Variants in CNTN3 observed in about 807,000 individuals in gnomAD.
The protein encoded by CNTN3 is contactin-3.
CNTN3 carries 60 observed loss-of-function variants against 119.1 expected under a neutral mutation model. The ratio of observed to expected loss-of-function variants is 0.50; its 90% CI spans 0.41 to 0.62. CNTN3 has a LOEUF of 0.62. CNTN3 is among the 20% of genes least tolerant of loss of function. CNTN3 has a pLI of 0.00. For synonymous variants in CNTN3, 450 were observed against 438.7 expected (o/e 1.03, Z -0.32); for missense variants, 1,101 against 1,242.4 (o/e 0.89, Z 1.71).
intron 8 of CNTN3, among the ~76,000 whole-genome samples, chr3:74,367,561 G>A (rs1704229772): frequency 6.6e-6 from 1 of 151,944 alleles, no homozygotes; most frequent in African/African-American, 2.4e-5. Flanking sequence ...AGATGTTTTG[G>A]AGAAAGGAAG....
intron 1 of CNTN3, among the ~76,000 whole-genome samples, chr3:74,580,051 G>C (rs746090255): frequency 6.6e-6 from 1 of 152,026 alleles, no homozygotes; most frequent in African/African-American, 2.4e-5. Flanking sequence ...GGATGAAAAG[G>C]GCAACATCAC....
At chr3:74,595,697 A>G (rs1021269137) in intron 1 of CNTN3, among the ~76,000 whole-genome samples, 5 of 152,130 alleles carry the variant, frequency 3.3e-5, no homozygotes, top group Non-Finnish European at 7.4e-5. Context: ...TCTCAAAATA[A>G]TAAGAGCTAT....
chr3:74,394,768 GA>G (rs1316961782), intron 5 of CNTN3, among the ~76,000 whole-genome samples: 1 of 151,950 alleles, frequency 6.6e-6, no homozygotes, highest in African/African-American at 2.4e-5. Flanking sequence ...TTACAAACAA[GA>G]AAACCACTGC....
At chr3:74,363,607 G>A (rs978857511) in intron 10 of CNTN3, among the ~76,000 whole-genome samples, 5 of 152,090 alleles carry the variant, frequency 3.3e-5, no homozygotes, top group African/African-American at 9.7e-5. Flanking sequence ...CAGGCTATAT[G>A]GGGCCAATGG....
rs144740060 is a variant in CNTN3, at chr3:74,449,868, T to C, written c.359-24928A>G. The stretch of plus-strand genomic sequence containing the variant: ...ATTCACAGGAATATTGTGGGAACCT[T>C]AGCATGAAGCAAAAGAAGTATTTTA... On this transcript the variant is annotated intron_variant, in intron 4 of 22. Transcript: ENST00000263665. Among the ~76,000 whole-genome samples the C allele has an allele frequency of 2.1e-3, 313 of 152,276 alleles. 1 individual carries two copies. The highest frequency in any genetic ancestry group is 7.1e-3 in the African/African-American group (297 of 41,572).
Position 74,587,162 on chromosome 3 carries a change from T to C in CNTN3, c.-81+27229A>G, listed in dbSNP as rs6809760. 3.2e-3 allele frequency among the ~76,000 whole-genome samples: 486 copies of C among 152,076 alleles called. 2 individuals carry two copies. The highest frequency in any genetic ancestry group is 0.011 in the African/African-American group (452 of 41,492). On this transcript the variant is annotated intron_variant, in intron 1 of 22. Transcript: ENST00000263665. ...CAATAAAAGCATAAGAGTAATGTAA[T>C]GTGGGTGGGAGGTGGGGGCAGAAGG... is the stretch of plus-strand genomic sequence containing the variant.
intron 4 of CNTN3, among the ~76,000 whole-genome samples, chr3:74,448,918 A>G (rs1175525242): frequency 2.0e-5 from 3 of 152,130 alleles, no homozygotes; most frequent in Admixed American, 6.6e-5. Context: ...ATAATTGTAT[A>G]TACTTTCTAT....
intron 4 of CNTN3, among the ~76,000 whole-genome samples, chr3:74,482,846 T>C (rs1394332086): frequency 6.6e-6 from 1 of 152,148 alleles, no homozygotes; most frequent in African/African-American, 2.4e-5. Flanking sequence ...ATCCCTTCTT[T>C]CAGTTAGCGT....
intron 2 of CNTN3, among the ~76,000 whole-genome samples, chr3:74,516,520 A>G (rs1015940133): frequency 1.3e-5 from 2 of 150,906 alleles, no homozygotes; most frequent in Admixed American, 6.6e-5. Flanking sequence ...TACACATAAC[A>G]TACCAAATAT....
chr3:74,601,054 T>C (rs1704901199), intron 1 of CNTN3, among the ~76,000 whole-genome samples: 2 of 149,526 alleles, frequency 1.3e-5, no homozygotes, highest in East Asian at 2.0e-4. Flanking sequence ...TATATTTACA[T>C]ATATAATATA....
chr3:74,365,718 A>T lies in CNTN3; in HGVS notation c.947-16T>A. ...TGGGGCTTTGCTTCAATGAAAGAAA[A>T]GGAAAAAGAAAAGAAATTTAAACCA... is the stretch of plus-strand genomic sequence containing the variant. On this transcript the variant is annotated splice_polypyrimidine_tract_variant and intron_variant, in intron 8 of 22. Transcript: ENST00000263665. 1 of 1,590,340 alleles carries T rather than the reference A, an allele frequency of 6.3e-7. No individual in the cohort carries two copies. The highest frequency in any genetic ancestry group is 8.6e-7 in the Non-Finnish European group (1 of 1,168,708).
rs959242056 is a variant in CNTN3 at position 74,277,984 on chromosome 3, G to A, written c.2704+7321C>T. On this transcript the variant is annotated intron_variant, in intron 20 of 22. Transcript: ENST00000263665. Reference sequence around the variant, plus strand: ...TACACACCAACAGTGACCAAGCAGAGAATCAATTCAAAAACTCAACCCCTT... The same window carrying A: ...TACACACCAACAGTGACCAAGCAGAAAATCAATTCAAAAACTCAACCCCTT... 2.0e-3 allele frequency among the ~76,000 whole-genome samples: 300 copies of A among 147,784 alleles called. 1 individual carries two copies. The highest frequency in any genetic ancestry group is 7.1e-3 in the African/African-American group (284 of 39,892).
chr3:74,536,964 C>A (rs1244491563), intron 1 of CNTN3, among the ~76,000 whole-genome samples: 1 of 147,370 alleles, frequency 6.8e-6, no homozygotes, highest in African/African-American at 2.5e-5. Flanking sequence ...CCGTTTTAGA[C>A]AATTATTGCA....
At chr3:74,547,006 T>C (rs1001034245) in intron 1 of CNTN3, among the ~76,000 whole-genome samples, 3 of 152,250 alleles carry the variant, frequency 2.0e-5, no homozygotes, top group South Asian at 2.1e-4. Context: ...ACTTCACTCA[T>C]GCTTCTGTCT....
At chr3:74,527,451 C>T (rs1216448085) in intron 1 of CNTN3, among the ~76,000 whole-genome samples, 2 of 151,854 alleles carry the variant, frequency 1.3e-5, no homozygotes, top group East Asian at 1.9e-4. Context: ...TTCTGAGATG[C>T]TATGTGTTGG....
intron 1 of CNTN3, among the ~76,000 whole-genome samples, chr3:74,586,234 C>G (rs1704590343): frequency 6.6e-6 from 1 of 152,018 alleles, no homozygotes; most frequent in Non-Finnish European, 1.5e-5. Context: ...ATTTGTTCCT[C>G]TATAGTGATA....
At chr3:74,549,440 A>T (rs1703958599) in intron 1 of CNTN3, among the ~76,000 whole-genome samples, 1 of 152,168 alleles carries the variant, frequency 6.6e-6, no homozygotes, top group Non-Finnish European at 1.5e-5. Flanking sequence ...GAATGGACTG[A>T]TACACAGACC....
chr3:74,371,914 C>A (rs771676835), intron 5 of CNTN3, among the ~76,000 whole-genome samples: 1 of 152,036 alleles, frequency 6.6e-6, no homozygotes, highest in Non-Finnish European at 1.5e-5. Context: ...GCTTCTGGGG[C>A]CTACAACTCC....
chr3:74,597,118 T>C (rs1378646280), intron 1 of CNTN3, among the ~76,000 whole-genome samples: 1 of 152,088 alleles, frequency 6.6e-6, no homozygotes, highest in Non-Finnish European at 1.5e-5. Flanking sequence ...CTCTACCCAT[T>C]AGTTCACAGG....
Sources: gnomAD v4.1 joint callset for allele counts (sites outside exome capture counted in the v4.1 genomes callset) on GRCh38, gnomAD v4.1.1 for gene constraint, MANE v1.5 for transcripts, NCBI Gene and HGNC (gene_info 2026-07-23, HGNC 2026-07-21) for gene names.